The following PIAS2 variants were observed in gnomAD, a reference collection of about 807,000 sequenced individuals.
PIAS2 encodes the protein protein inhibitor of activated STAT 2.
Under a neutral mutation model 69.7 loss-of-function variants are expected in PIAS2, and 19 were observed. That is an observed-to-expected ratio of 0.27 (90% confidence interval 0.19 to 0.40). The LOEUF is 0.40. PIAS2 is among the 10% of genes least tolerant of loss of function. The pLI is 1.00. For missense variants in PIAS2, 624 were observed against 757.0 expected (o/e 0.82, Z 2.06); for synonymous variants, 261 against 263.2 (o/e 0.99, Z 0.08).
intron 11 of PIAS2, among the ~76,000 whole-genome samples, chr18:46,822,086 T>C: frequency 6.6e-6 from 1 of 152,202 alleles, no homozygotes; most frequent in Non-Finnish European, 1.5e-5. Context: ...TGGGCATCCT[T>C]TCCCTTTCCT....
intron 2 of PIAS2, among the ~76,000 whole-genome samples, chr18:46,883,289 G>C (rs1007499517): frequency 6.6e-6 from 1 of 152,074 alleles, no homozygotes; most frequent in Non-Finnish European, 1.5e-5. Flanking sequence ...AGAAATTAAG[G>C]AATCAAAGGT....
intron 1 of PIAS2, chr18:46,907,828 T>G (rs72915084): frequency 0.046 from 7,052 of 152,282 alleles, 192 homozygotes; most frequent in Non-Finnish European, 0.064. Flanking sequence ...GATTTTCCTG[T>G]TGGGAGGGTG....
At chr18:46,829,688 T>C (rs761487709) in intron 10 of PIAS2, 46 bp downstream of exon 10, 34 of 1,557,606 alleles carry the variant, frequency 2.2e-5, no homozygotes, top group Admixed American at 3.6e-5. Context: ...ATGATAATGT[T>C]GCACGAGTCT....
At chr18:46,895,640 C>T (rs1598930712) in intron 1 of PIAS2, among the ~76,000 whole-genome samples, 1 of 152,176 alleles carries the variant, frequency 6.6e-6, no homozygotes, top group African/African-American at 2.4e-5. Flanking sequence ...TACTGCACTC[C>T]AGCCTGGGTG....
chr18:46,866,426 C>T (rs2049472688), intron 2 of PIAS2, among the ~76,000 whole-genome samples: 1 of 152,134 alleles, frequency 6.6e-6, no homozygotes, highest in Non-Finnish European at 1.5e-5. Flanking sequence ...ATTCAATACC[C>T]TTCAAAAGCA....
chr18:46,893,651 T>G (rs1019431535), intron 1 of PIAS2: 3 of 155,604 alleles, frequency 1.9e-5, no homozygotes, highest in African/African-American at 7.2e-5. Context: ...GCTGCAAAGA[T>G]AAAGTATTGC....
At chr18:46,890,478 C>G (rs2053908611) in intron 2 of PIAS2, 102 bp downstream of exon 2, 1 of 742,804 alleles carries the variant, frequency 1.3e-6, no homozygotes, top group Non-Finnish European at 2.1e-6. Context: ...GCATTGATGC[C>G]TCAATTTCAC....
chr18:46,893,412 A>C, intron 1 of PIAS2: 1 of 937,506 alleles, frequency 1.1e-6, no homozygotes, highest in Non-Finnish European at 1.3e-6. Flanking sequence ...TGACAAAACA[A>C]AGCACAAAGT....
chr18:46,810,993 A>G lies in PIAS2; in HGVS notation c.*1440T>C, dbSNP rs1019582045. ...AAAAATGATTTAGGAAGTCAAATGA[A>G]GCAAACTAAAAAACTGGATGAAAAT... On this transcript the variant is annotated 3_prime_UTR_variant, in exon 14 of 14. Coordinates refer to ENST00000585916, the MANE Select transcript of PIAS2 (RefSeq NM_004671.5). 1 of 152,218 alleles carries G rather than the reference A, an allele frequency of 6.6e-6. No individual in the cohort carries two copies. The highest frequency in any genetic ancestry group is 2.4e-5 in the African/African-American group (1 of 41,464). 9.4% of individuals were successfully genotyped at this position (152,218 alleles called of 1,614,324 possible).
chr18:46,820,955 T>G lies in PIAS2; in HGVS notation c.1626A>C (p.Ser542=). The change falls in exon 12 of 14, where the codon TCA becomes TCC. Residue 542 remains serine, a synonymous_variant. Coordinates refer to ENST00000585916, the MANE Select transcript of PIAS2 (RefSeq NM_004671.5). The stretch of plus-strand genomic sequence containing the variant: ...TACCTGGCAAATCTGATGACATGCT[T>G]GATATTGGCGTATGGTGGAATGGTA... ...YSVPFHHTPI[S]SMSSDLPGLD... 6.2e-7 allele frequency: 1 copy of G among 1,612,382 alleles called. No homozygotes were observed. Among genetic ancestry groups the G allele is most frequent in the Non-Finnish European group, 8.5e-7 (1 of 1,179,132 alleles).
chr18:46,837,253 C>T (rs2044578206), intron 8 of PIAS2, among the ~76,000 whole-genome samples: 1 of 151,794 alleles, frequency 6.6e-6, no homozygotes, highest in South Asian at 2.1e-4. Context: ...TTGTTCCACT[C>T]AACCTTTTCA....
chr18:46,869,605 T>G (rs949477427), intron 2 of PIAS2, among the ~76,000 whole-genome samples: 11 of 152,166 alleles, frequency 7.2e-5, no homozygotes, highest in African/African-American at 2.7e-4. Flanking sequence ...AAATGAAAGA[T>G]ATAAAGCTAG....
At chr18:46,918,995 G>GTATA (rs376088999), upstream of PIAS2, among the ~76,000 whole-genome samples, 139 of 147,538 alleles carry the variant, frequency 9.4e-4, no homozygotes, top group Admixed American at 2.6e-3. Flanking sequence ...GTGTGTGCGT[G>GTATA]TATATATATA....
intron 2 of PIAS2, among the ~76,000 whole-genome samples, chr18:46,883,569 G>A (rs1033842684): frequency 1.3e-5 from 2 of 151,936 alleles, no homozygotes. Context: ...CTGGCAGAAT[G>A]GCTCATGCAT....
chr18:46,823,945 T>C (rs1157273956), intron 11 of PIAS2, among the ~76,000 whole-genome samples: 2 of 152,148 alleles, frequency 1.3e-5, no homozygotes, highest in African/African-American at 4.8e-5. Flanking sequence ...TGTAAATGGC[T>C]ATGGATGGTG....
At chr18:46,848,694 A>G (rs1421220180) in intron 5 of PIAS2, among the ~76,000 whole-genome samples, 1 of 152,118 alleles carries the variant, frequency 6.6e-6, no homozygotes, top group Non-Finnish European at 1.5e-5. Context: ...AAAACGTTTG[A>G]GCAGGGGAAT....
At chr18:46,831,461 A>C (rs1489093871) in intron 9 of PIAS2, among the ~76,000 whole-genome samples, 10 of 152,168 alleles carry the variant, frequency 6.6e-5, no homozygotes, top group Non-Finnish European at 1.5e-4. Context: ...ACAAATCAAA[A>C]TCCCAGCAGG....
At chr18:46,919,154 C>T (rs2058361637), upstream of PIAS2, among the ~76,000 whole-genome samples, 1 of 151,276 alleles carries the variant, frequency 6.6e-6, no homozygotes, top group South Asian at 2.1e-4. Context: ...AGTTGCAGAC[C>T]AGCCAGGCCA....
chr18:46,875,978 T>C (rs2051120288), intron 2 of PIAS2, among the ~76,000 whole-genome samples: 1 of 152,210 alleles, frequency 6.6e-6, no homozygotes, highest in African/African-American at 2.4e-5. Flanking sequence ...CACGTCAATT[T>C]TACCTCATGT....
Sources: gnomAD v4.1 joint callset for allele counts (sites outside exome capture counted in the v4.1 genomes callset) on GRCh38, gnomAD v4.1.1 for gene constraint, MANE v1.5 for transcripts, NCBI Gene and HGNC (gene_info 2026-07-23, HGNC 2026-07-21) for gene names.